The following SLC49A3 variants were observed in gnomAD, a reference collection of about 807,000 sequenced individuals.
The protein encoded by SLC49A3 is solute carrier family 49 member 3, also known as solute carrier family 49 member A3.
SLC49A3 carries 50 observed loss-of-function variants against 43.8 expected under a neutral mutation model. The ratio of observed to expected loss-of-function variants is 1.14; its 90% confidence interval spans 0.91 to 1.45. SLC49A3 has a LOEUF of 1.45. SLC49A3 is among the 40% of genes most tolerant of loss of function. The probability of loss-of-function intolerance (pLI) is 0.00; values close to 1 mark genes in which losing one functional copy is unlikely to be tolerated. For missense variants in SLC49A3, 906 were observed against 774.1 expected, an observed-to-expected ratio of 1.17 and a Z score of -2.02; for synonymous variants, 413 against 352.0, an observed-to-expected ratio of 1.17 and a Z score of -1.94.
rs150499421 is a variant in SLC49A3 at position 682,210 on chromosome 4, T to C, written c.1428A>G (p.Ala476=). Residue 476 remains alanine, a synonymous_variant, in exon 10 of 10, where the codon GCA becomes GCG. Transcript: ENST00000322224. ...DSGPGVDRGG[A]GRAGVLGPST... ...TGGGCCCCAGGACCCCAGCCCTTCC[T>C]GCTCCCCCTCGGTCCACACCCGGCC... The C allele has an allele frequency of 2.1e-3, 2,904 of 1,371,846 alleles. 59 individuals are homozygous for C. The African/African-American group carries it at 0.039, about 18-fold the overall frequency. The allele number at this position is 1,371,846 out of a possible 1,614,324, so 85.0% of individuals were successfully genotyped here. A position where few individuals can be genotyped will look rare whatever the true frequency, so the allele number is the denominator to read the frequency against.
chr4:684,127 C>G (rs979897002), intron 6 of SLC49A3, among the ~76,000 whole-genome samples: 1 of 152,198 alleles, frequency 6.6e-6, no homozygotes, highest in Non-Finnish European at 1.5e-5. Flanking sequence ...CAAGGCCCTC[C>G]CCGCTGCACG....
In SLC49A3 at chr4:683,008, C is replaced by T. The variant is rs916055147; in HGVS notation, c.1152-118G>A. 3.6e-6 allele frequency: 4 copies of T among 1,121,568 alleles called. No individual in the cohort carries two copies. The African/African-American group carries it at 4.6e-5, about 13-fold the overall frequency. 69.5% of individuals were successfully genotyped at this position (1,121,568 alleles called of 1,614,324 possible). ...TGTGCCACCACCCTCCTGAAGGCAG[C>T]ACGCAGCCTCGGTCATGGGCCCTAT... On this transcript the variant is annotated intron_variant, in intron 8 of 9. Coordinates refer to ENST00000322224, the MANE Select transcript of SLC49A3 (RefSeq NM_032219.4).
chr4:678,370 A>T, downstream of SLC49A3: 1 of 1,412,614 alleles, frequency 7.1e-7, no homozygotes, highest in Non-Finnish European at 9.2e-7. Flanking sequence ...TCAGAGGCCA[A>T]GCTGGCTCCT....
In SLC49A3 at chr4:685,708, G is replaced by C. The variant is rs1250458011; in HGVS notation, c.585+127C>G. 7 of 973,000 alleles carry C rather than the reference G, an allele frequency of 7.2e-6. No individual in the cohort carries two copies. In the African/African-American group the frequency reaches 1.1e-4, roughly 16 times the overall value. 60.3% of individuals were successfully genotyped at this position (973,000 alleles called of 1,614,324 possible). On this transcript the variant is annotated intron_variant, in intron 4 of 9. Coordinates refer to ENST00000322224, the MANE Select transcript of SLC49A3 (RefSeq NM_032219.4). The surrounding 1 kb of genome is among the most constrained non-coding windows in gnomAD (Gnocchi z 4.3). Reference sequence around the variant, plus strand: ...GCGACAGGCTGAGACTCCTTCTCGGGTGGCGGGGCGGGGGACGGGAATCAC... The same window carrying C: ...GCGACAGGCTGAGACTCCTTCTCGGCTGGCGGGGCGGGGGACGGGAATCAC...
rs761904980 is a variant in SLC49A3, at chr4:686,572, G to A, written c.254C>T (p.Ala85Val). ...GACGGAGTCCAGGATCCAGATGGCC[G>A]CCACGCCAAATGGGGTGGATACCAC... ...YLVVSTPFGV[A>V]AIWILDSVGL... The change falls in exon 2 of 10, where the codon GCG (alanine) becomes GTG (valine). Residue 85 changes from alanine (A) to valine (V), a missense_variant. Coordinates refer to ENST00000322224, the MANE Select transcript of SLC49A3 (RefSeq NM_032219.4). 16 of 1,613,006 alleles carry A rather than the reference G, an allele frequency of 9.9e-6. No individual in the cohort carries two copies. The East Asian group carries it at 2.5e-4, about 25-fold the overall frequency.
chr4:681,988 G>C lies in SLC49A3; in HGVS notation c.1650C>G (p.Ser550=), dbSNP rs76052398. The C allele has an allele frequency of 9.3e-3, 13,155 of 1,410,302 alleles. 167 individuals are homozygous for C. The highest frequency in any genetic ancestry group is 0.049 in the South Asian group (3,084 of 63,402). The allele number at this position is 1,410,302 out of a possible 1,614,324, so 87.4% of individuals were successfully genotyped here. ...TGATCACCCACGGGGAGGAGAAGGA[G>C]GAGTGAGACCCAGCCGGGTCAATAA... The part of the protein sequence containing the change: ...SRFIDPAGSH[S]SFSSPWVIT The change falls in exon 10 of 10, where the codon TCC becomes TCG. Residue 550 remains serine (S), a synonymous_variant. Coordinates refer to ENST00000322224, the MANE Select transcript of SLC49A3 (RefSeq NM_032219.4).
chr4:679,499 C>T (rs527236426), downstream of SLC49A3, among the ~76,000 whole-genome samples: 69 of 152,274 alleles, frequency 4.5e-4, no homozygotes, highest in East Asian at 8.5e-3. Context: ...GTCCTCCCTG[C>T]GGCACATTCT....
Position 683,601 on chromosome 4 carries a change from A to G in SLC49A3, c.993+8T>C. The G allele has an allele frequency of 1.3e-6, 2 of 1,598,990 alleles. No individual in the cohort carries two copies. Among genetic ancestry groups the G allele is most frequent in the East Asian group, 2.3e-5 (1 of 44,410 alleles). On this transcript the variant is annotated splice_region_variant and intron_variant, in intron 7 of 9. Transcript: ENST00000322224. The stretch of plus-strand genomic sequence containing the variant: ...CACAGGGCAGTCTTGGCTTGAGGAG[A>G]CCCTCACCAGGGCAAAGGGCACGCA...
chr4:687,673 C>T (rs541438143), intron 1 of SLC49A3, among the ~76,000 whole-genome samples: 1 of 152,312 alleles, frequency 6.6e-6, no homozygotes, highest in African/African-American at 2.4e-5. Context: ...CGTGGGAGGA[C>T]GATCTGTCTG....
downstream of SLC49A3, chr4:680,487 GCTGAAGGTGC>G: frequency 6.2e-7 from 1 of 1,613,148 alleles, no homozygotes. Flanking sequence ...ACGGCCCTGG[GCTGAAGGTGC>G]CTTTGTGGCA....
chr4:679,247 A>T, downstream of SLC49A3: 1 of 679,770 alleles, frequency 1.5e-6, no homozygotes, highest in South Asian at 1.5e-5. Flanking sequence ...GGTGGGTGGG[A>T]CAGCCCAAGC....
upstream of SLC49A3, among the ~76,000 whole-genome samples, chr4:689,666 G>T (rs1275062728): frequency 6.6e-6 from 1 of 152,270 alleles, no homozygotes; most frequent in Non-Finnish European, 1.5e-5. Context: ...GGGGCTGCAG[G>T]CCAAGGCTGG....
At position 683,753 on chromosome 4, in the gene SLC49A3, G is replaced by A. The variant is rs149591230; in HGVS notation, c.849C>T (p.Ser283=). Residue 283 remains serine (S), a synonymous_variant, in exon 7 of 10, where the codon TCC becomes TCT. Coordinates refer to ENST00000322224, the MANE Select transcript of SLC49A3 (RefSeq NM_032219.4). Reference sequence around the variant, plus strand: ...TGATGAAGAGAGCGCCACAGAGGCCGGAAAACCCCTGGAGGAGGCGAGAAG... The same window carrying A: ...TGATGAAGAGAGCGCCACAGAGGCCAGAAAACCCCTGGAGGAGGCGAGAAG... ...LCASGHSSGF[S]GLCGALFITF... is the part of the protein sequence containing the mutation. The A allele has an allele frequency of 9.1e-5, 143 of 1,565,740 alleles. 1 individual carries two copies. In the Middle Eastern group the frequency reaches 1.2e-3, roughly 13 times the overall value.
intron 1 of SLC49A3, among the ~76,000 whole-genome samples, chr4:687,144 C>A (rs1741207576): frequency 6.6e-6 from 1 of 152,232 alleles, no homozygotes; most frequent in Non-Finnish European, 1.5e-5. Flanking sequence ...TCCCCAGCCA[C>A]AGGCATTATC....
downstream of SLC49A3, chr4:680,361 A>AGAAG: frequency 1.2e-6 from 1 of 856,032 alleles, no homozygotes; most frequent in East Asian, 2.4e-5. Flanking sequence ...TCAGGAAAGG[A>AGAAG]GAAGGCCTTC....
downstream of SLC49A3, chr4:679,137 C>A: frequency 1.2e-6 from 1 of 865,686 alleles, no homozygotes; most frequent in Non-Finnish European, 1.6e-6. Context: ...CCAGGGCCCG[C>A]GCCTCAGAGG....
chr4:682,220 C>G lies in SLC49A3; in HGVS notation c.1418G>C (p.Arg473Pro), dbSNP rs746728917. Residue 473 changes from arginine to proline, a missense_variant, in exon 10 of 10, where the codon CGA (arginine) becomes CCA (proline). Coordinates refer to ENST00000322224, the MANE Select transcript of SLC49A3 (RefSeq NM_032219.4). ...GGADSGPGVD[R>P]GGAGRAGVLG... ...GACCCCAGCCCTTCCTGCTCCCCCT[C>G]GGTCCACACCCGGCCCTGAGTCTGC... 3 of 1,374,656 alleles carry G rather than the reference C, an allele frequency of 2.2e-6. No individual in the cohort carries two copies. Among genetic ancestry groups the G allele is most frequent in the Non-Finnish European group, 1.9e-6 (2 of 1,053,088 alleles). 85.2% of individuals were successfully genotyped at this position (1,374,656 alleles called of 1,614,324 possible).
downstream of SLC49A3, chr4:679,915 C>A: frequency 6.2e-7 from 1 of 1,613,602 alleles, no homozygotes; most frequent in Non-Finnish European, 8.5e-7. Context: ...CTGTAACAGG[C>A]AAGACCAACG....
chr4:686,495 T>C (rs200634693), intron 2 of SLC49A3, 37 bp downstream of exon 2: 4 of 1,602,598 alleles, frequency 2.5e-6, no homozygotes, highest in East Asian at 2.2e-5. Context: ...GCCCCTGCAC[T>C]GTCCCGGAGC....
Sources: gnomAD v4.1 joint callset for allele counts (sites outside exome capture counted in the v4.1 genomes callset) on GRCh38, gnomAD v4.1.1 for gene constraint, Gnocchi (gnomAD v3.1) non-coding constraint, MANE v1.5 for transcripts, NCBI Gene and HGNC (gene_info 2026-07-23, HGNC 2026-07-21) for gene names.